The following UPP1 variants were observed in gnomAD, a reference collection of about 807,000 sequenced individuals.
UPP1 encodes UPase 1.
A neutral mutation model predicts 29.6 loss-of-function variants in UPP1; 25 were observed. The observed-to-expected ratio is 0.85, with a 90% CI of 0.62 to 1.18. The LOEUF (loss-of-function observed/expected upper bound fraction) is 1.18, where lower values mean the gene tolerates loss of function less well. UPP1 is among the 50% of genes most tolerant of loss of function. The pLI is 0.00. For synonymous variants in UPP1, 165 were observed against 159.8 expected (o/e 1.03, Z -0.25); for missense variants, 368 against 410.4 (o/e 0.90, Z 0.89).
Position 48,108,268 on chromosome 7 carries a change from A to T in UPP1, c.844A>T (p.Ser282Cys), listed in dbSNP as rs767950058. The change falls in exon 9 of 9, where the codon AGC becomes TGC. Residue 282 changes from serine (S) to cysteine (C), a missense_variant. Transcript: ENST00000395564. ...GAACCGCCTGGAAGGGGACCAGATC[A>T]GCAGCCCTCGCAATGTGCTCAGCGA... The part of the protein sequence containing the change: ...LLNRLEGDQI[S>C]SPRNVLSEYQ... 4 of 1,614,072 alleles carry T rather than the reference A, an allele frequency of 2.5e-6. No homozygotes were observed. The East Asian group carries it at 8.9e-5, about 36-fold the overall frequency.
Position 48,107,430 on chromosome 7 carries a change from C to T in UPP1, c.716C>T (p.Ala239Val). 6.2e-7 allele frequency: 1 copy of T among 1,614,180 alleles called. No individual in the cohort carries two copies. Residue 239 changes from alanine (A) to valine (V), a missense_variant, in exon 8 of 9, where the codon GCC becomes GTC. Ala to Val is a moderately conservative substitution (Grantham distance 64). Transcript: ENST00000395564. ...EKDKQAYLEA[A>V]YAAGVRNIEM... is the part of the protein sequence containing the mutation. ...GACAAGCAGGCGTATCTGGAGGCAG[C>T]CTATGCAGCCGGCGTCCGCAATATC...
chr7:48,088,942 T>C (rs1207753871), upstream of UPP1: 1 of 152,360 alleles, frequency 6.6e-6, no homozygotes, highest in Non-Finnish European at 1.5e-5. Context: ...ATTTCCTCTG[T>C]AGTAGGGGCT....
chr7:48,099,561 GTCTT>G (rs1554304818), intron 3 of UPP1, 105 bp from the exon 4 acceptor site: 1 of 763,850 alleles, frequency 1.3e-6, no homozygotes, highest in Non-Finnish European at 2.2e-6. Context: ...ATCTGGCCCT[GTCTT>G]TCTCCCACCA....
chr7:48,103,206 G>C, intron 5 of UPP1, 91 bp from the exon 6 acceptor site: 1 of 931,328 alleles, frequency 1.1e-6, no homozygotes, highest in Non-Finnish European at 1.8e-6. Context: ...CAATGGGCAT[G>C]TTAGATTGAA....
intron 3 of UPP1, among the ~76,000 whole-genome samples, chr7:48,096,417 C>G (rs1792133530): frequency 1.3e-5 from 2 of 152,194 alleles, no homozygotes; most frequent in African/African-American, 2.4e-5. Flanking sequence ...AAGTCGAAAG[C>G]CTTCCATGAG....
intron 6 of UPP1, chr7:48,106,654 A>C: frequency 1.6e-4 from 79 of 491,326 alleles, no homozygotes; most frequent in Middle Eastern, 5.7e-4. Flanking sequence ...TAGTGTCCAT[A>C]ATGATCATGC....
intron 8 of UPP1, 34 bp from the exon 9 acceptor site, chr7:48,108,184 C>A (rs776181646): frequency 4.4e-6 from 7 of 1,594,854 alleles, no homozygotes; most frequent in Non-Finnish European, 6.0e-6. Context: ...AGACCCCCGG[C>A]ACCTTGCCTT....
rs944247018 is a variant in UPP1, at chr7:48,094,707, A to G, written c.-21-56A>G. 13 of 1,535,274 alleles carry G rather than the reference A, an allele frequency of 8.5e-6. No homozygotes were observed. The Admixed American group carries it at 1.2e-4, about 14-fold the overall frequency. ...TTTCTACATATTAGTGGGGCTCTGC[A>G]CGATCTTGGTTTCTACTGAGTGGAT... On this transcript the variant is annotated intron_variant, in intron 2 of 8. Transcript: ENST00000395564.
rs557432159 is a variant in UPP1 at position 48,106,701 on chromosome 7, G to A, written c.437-172G>A. On this transcript the variant is annotated intron_variant, in intron 6 of 8. Transcript: ENST00000395564. ...TCATAGCTTAAAAAAAAGTTGAATG[G>A]GAAAAATGGGTCACTGTGTATTTGA... The A allele has an allele frequency of 6.5e-6, 4 of 619,216 alleles. No individual in the cohort carries two copies. The Admixed American group carries it at 1.2e-4, about 18-fold the overall frequency. The allele number at this position is 619,216 out of a possible 1,614,324, so 38.4% of individuals were successfully genotyped here.
At position 48,108,398 on chromosome 7, in the gene UPP1, C is replaced by A; in HGVS notation, c.*41C>A. On this transcript the variant is annotated 3_prime_UTR_variant, in exon 9 of 9. Coordinates refer to ENST00000395564, the MANE Select transcript of UPP1 (RefSeq NM_003364.4). ...TCCGCAGACCTGCTGTGATGACTTG[C>A]CATTAAAAGCATTGTCCAAAATCCC... is the stretch of plus-strand genomic sequence containing the variant. 6.3e-7 allele frequency: 1 copy of A among 1,579,174 alleles called. No individual in the cohort carries two copies. The highest frequency in any genetic ancestry group is 1.7e-4 in the Middle Eastern group (1 of 5,946).
intron 2 of UPP1, among the ~76,000 whole-genome samples, chr7:48,091,585 A>G (rs1277538702): frequency 6.6e-6 from 1 of 152,220 alleles, no homozygotes; most frequent in Non-Finnish European, 1.5e-5. Flanking sequence ...GTTTTCTAAA[A>G]TCAGTGCAGT....
chr7:48,103,237 G>A (rs1391852994), intron 5 of UPP1, 60 bp from the exon 6 acceptor site: 2 of 1,279,538 alleles, frequency 1.6e-6, no homozygotes, highest in African/African-American at 2.9e-5. Flanking sequence ...TGAAACATCA[G>A]CCAGAACATT....
chr7:48,092,259 G>A (rs561230308), intron 2 of UPP1, among the ~76,000 whole-genome samples: 1 of 152,270 alleles, frequency 6.6e-6, no homozygotes, highest in South Asian at 2.1e-4. Context: ...ACAGAAACTG[G>A]CCCTGGGGAT....
chr7:48,098,111 G>A (rs1375821598), intron 3 of UPP1, among the ~76,000 whole-genome samples: 3 of 152,184 alleles, frequency 2.0e-5, no homozygotes, highest in East Asian at 3.9e-4. Context: ...CCATACAGGA[G>A]ACAGTCACCT....
chr7:48,089,841 G>A (rs1442744690), intron 1 of UPP1, among the ~76,000 whole-genome samples: 1 of 152,232 alleles, frequency 6.6e-6, no homozygotes, highest in African/African-American at 2.4e-5. Context: ...ACCCGGGCGG[G>A]GAGTGCGGGA....
chr7:48,091,261 T>C (rs1013692520), intron 2 of UPP1, among the ~76,000 whole-genome samples: 9 of 141,710 alleles, frequency 6.4e-5, no homozygotes, highest in African/African-American at 2.3e-4. Flanking sequence ...GGGTTAAAAC[T>C]AAAAAAAAAA....
Position 48,106,910 on chromosome 7 carries a change from A to G in UPP1, c.474A>G (p.Ala158=), listed in dbSNP as rs1562659690. The G allele has an allele frequency of 6.2e-7, 1 of 1,613,820 alleles. No homozygotes were observed. Among genetic ancestry groups the G allele is most frequent in the Non-Finnish European group, 8.5e-7 (1 of 1,179,970 alleles). Residue 158 remains alanine (A), a synonymous_variant, in exon 7 of 9, where the codon GCA becomes GCG. Transcript: ENST00000395564. ...EPGTVVITEQ[A]VDTCFKAEFE... ...GCACTGTGGTCATAACAGAGCAGGCAGTGGATACCTGCTTCAAGGCAGAGT... is the reference window on the plus strand; with the variant it reads ...GCACTGTGGTCATAACAGAGCAGGCGGTGGATACCTGCTTCAAGGCAGAGT...
Position 48,107,895 on chromosome 7 carries a change from C to T in UPP1, c.794-323C>T, listed in dbSNP as rs748137094. Among the ~76,000 whole-genome samples the T allele has an allele frequency of 1.6e-4, 24 of 152,210 alleles. 1 individual carries two copies. Among genetic ancestry groups the T allele is most frequent in the Non-Finnish European group, 2.9e-4 (20 of 68,042 alleles). On this transcript the variant is annotated intron_variant, in intron 8 of 8. Transcript: ENST00000395564. ...TCACAGCTCTGCAGAATTCCCTTAT[C>T]ACCTCGGCCAAAACGTGCCTTTCAA...
rs188515805 is a variant in UPP1 at position 48,100,617 on chromosome 7, C to G, written c.162+830C>G. On this transcript the variant is annotated intron_variant, in intron 4 of 8. Coordinates refer to ENST00000395564, the MANE Select transcript of UPP1 (RefSeq NM_003364.4). ...ATCTTAACGTAGGACTTTGAAATGT[C>G]TAATGGGTAAAGATGAACTGACATG... 6.5e-4 allele frequency among the ~76,000 whole-genome samples: 99 copies of G among 152,262 alleles called. 1 individual carries two copies. The highest frequency in any genetic ancestry group is 2.2e-3 in the Admixed American group (33 of 15,296).
Sources: gnomAD v4.1 joint callset for allele counts (sites outside exome capture counted in the v4.1 genomes callset) on GRCh38, gnomAD v4.1.1 for gene constraint, MANE v1.5 for transcripts, NCBI Gene and HGNC (gene_info 2026-07-23, HGNC 2026-07-21) for gene names.